DIPK1C: variants seen among roughly 807,000 people sequenced by gnomAD.
DIPK1C encodes the protein familial non-conventional Alzheimer's dementia.
Under a neutral mutation model 28.0 loss-of-function variants are expected in DIPK1C, and 33 were observed. The observed-to-expected ratio is 1.18, with a 90% confidence interval of 0.89 to 1.58. The LOEUF (loss-of-function observed/expected upper bound fraction) is 1.58. Among genes scored for constraint, DIPK1C ranks in the 40% most tolerant of loss-of-function variants. The pLI is 0.00. For missense variants in DIPK1C, 569 were observed against 568.5 expected (o/e 1.00, Z -0.01); for synonymous variants, 255 against 248.8 (o/e 1.02, Z -0.23).
intron 2 of DIPK1C, among the ~76,000 whole-genome samples, chr18:74,445,514 GT>G (rs1394893317): frequency 6.6e-6 from 1 of 152,224 alleles, no homozygotes; most frequent in Non-Finnish European, 1.5e-5. Context: ...AGCAAATTTA[GT>G]TTTCCAGCTG....
At chr18:74,451,057 G>A (rs1486450075) in intron 1 of DIPK1C, among the ~76,000 whole-genome samples, 1 of 152,212 alleles carries the variant, frequency 6.6e-6, no homozygotes, top group Non-Finnish European at 1.5e-5. Context: ...GCCAGGAAAG[G>A]GTGGGGGGCC....
chr18:74,458,332 T>A (rs1001762376), upstream of DIPK1C, among the ~76,000 whole-genome samples: 1 of 152,100 alleles, frequency 6.6e-6, no homozygotes, highest in African/African-American at 2.4e-5. Flanking sequence ...CCCGGATCGC[T>A]CTCCCGCCTG....
the DIPK1C span, among the ~76,000 whole-genome samples, chr18:74,464,431 C>T: frequency 6.6e-6 from 1 of 152,258 alleles, no homozygotes; most frequent in Non-Finnish European, 1.5e-5. Context: ...TTTCTATCTA[C>T]TCCTGCCCCC....
Position 74,436,512 on chromosome 18 carries a change from C to A in DIPK1C, c.1249G>T (p.Ala417Ser), listed in dbSNP as rs371031842. Residue 417 changes from alanine to serine, a missense_variant, in exon 4 of 4, where the codon GCA becomes TCA. Coordinates refer to ENST00000343998, the MANE Select transcript of DIPK1C (RefSeq NM_001044369.3). ...LQATLRELQE[A>S]EK ...AGGCCAGAGAGTGGCTACTTCTCTG[C>A]CTCCTGCAGCTCCCTCAGTGTGGCT... The A allele has an allele frequency of 3.7e-6, 6 of 1,602,932 alleles. No homozygotes were observed. The highest frequency in any genetic ancestry group is 5.1e-6 in the Non-Finnish European group (6 of 1,175,832).
Position 74,441,988 on chromosome 18 carries a change from G to A in DIPK1C, c.1005C>T (p.Asn335=), listed in dbSNP as rs191560122. ...DCFSRCDLRV[N]KCGAQRVNNN... Reference sequence around the variant, plus strand: ...TGTTTACGCGCTGCGCTCCGCATTTGTTGACTCGTAAATCACATCTTGAAA... The same window carrying A: ...TGTTTACGCGCTGCGCTCCGCATTTATTGACTCGTAAATCACATCTTGAAA... Residue 335 remains asparagine, a synonymous_variant, in exon 3 of 4, where the codon AAC becomes AAT. Coordinates refer to ENST00000343998, the MANE Select transcript of DIPK1C (RefSeq NM_001044369.3). 1.9e-6 allele frequency: 3 copies of A among 1,614,084 alleles called. No individual in the cohort carries two copies. The highest frequency in any genetic ancestry group is 1.7e-5 in the Admixed American group (1 of 60,012).
chr18:74,440,202 CCAAAGTGCT>C (rs1185758994), intron 3 of DIPK1C, among the ~76,000 whole-genome samples: 1 of 152,148 alleles, frequency 6.6e-6, no homozygotes, highest in Non-Finnish European at 1.5e-5. Flanking sequence ...CCTCGGCCTC[CCAAAGTGCT>C]AGGATTATGG....
intron 2 of DIPK1C, among the ~76,000 whole-genome samples, chr18:74,444,578 C>A (rs560085883): frequency 3.9e-5 from 6 of 152,182 alleles, no homozygotes; most frequent in African/African-American, 1.4e-4. Context: ...ATAGGTCTGG[C>A]GTGGCATCTG....
chr18:74,455,456 T>C (rs1209913873), intron 1 of DIPK1C, among the ~76,000 whole-genome samples: 1 of 152,092 alleles, frequency 6.6e-6, no homozygotes, highest in Non-Finnish European at 1.5e-5. Flanking sequence ...AGGACTTTTA[T>C]GGGTTACTAA....
intron 1 of DIPK1C, among the ~76,000 whole-genome samples, chr18:74,453,997 T>C (rs6566806): frequency 0.77 from 116,619 of 152,112 alleles, 44,996 homozygotes; most frequent in East Asian, 0.99. Context: ...GTGTGAAGAG[T>C]TCAGCCTGCA....
upstream of DIPK1C, among the ~76,000 whole-genome samples, chr18:74,462,576 T>C (rs937448861): frequency 6.6e-6 from 1 of 152,164 alleles, no homozygotes; most frequent in Non-Finnish European, 1.5e-5. Context: ...GTGACACATA[T>C]GCATGTGTCT....
intron 2 of DIPK1C, 134 bp from the exon 3 acceptor site, chr18:74,442,250 G>T: frequency 9.9e-7 from 1 of 1,008,268 alleles, no homozygotes; most frequent in Non-Finnish European, 1.4e-6. Context: ...AGTCCCAAGA[G>T]CCAAGAGGAA....
intron 1 of DIPK1C, among the ~76,000 whole-genome samples, chr18:74,455,725 TA>T (rs112246757): frequency 1.7e-5 from 2 of 116,184 alleles, no homozygotes; most frequent in Non-Finnish European, 3.5e-5. Flanking sequence ...CAAAACTCCA[TA>T]AAAAAAAAAG....
At chr18:74,448,240 G>A (rs1384836058) in intron 1 of DIPK1C, among the ~76,000 whole-genome samples, 3 of 152,162 alleles carry the variant, frequency 2.0e-5, no homozygotes, top group South Asian at 2.1e-4. Flanking sequence ...TTGATTAGGG[G>A]TTGAGTGTAT....
In DIPK1C at chr18:74,436,546, T is replaced by C. The variant is rs1985997256; in HGVS notation, c.1215A>G (p.Gln405=). The change falls in exon 4 of 4, where the codon CAA becomes CAG. Residue 405 remains glutamine, a synonymous_variant. Coordinates refer to ENST00000343998, the MANE Select transcript of DIPK1C (RefSeq NM_001044369.3). ...AASSVFWKLR[Q]LLQATLRELQ... Reference sequence around the variant, plus strand: ...GCTCCCTCAGTGTGGCTTGGAGGAGTTGGCGAAGCTTCCAGAACACGCTGG... The same window carrying C: ...GCTCCCTCAGTGTGGCTTGGAGGAGCTGGCGAAGCTTCCAGAACACGCTGG... The C allele has an allele frequency of 1.9e-6, 3 of 1,603,388 alleles. No individual in the cohort carries two copies. The highest frequency in any genetic ancestry group is 1.7e-5 in the Admixed American group (1 of 58,686).
At position 74,447,059 on chromosome 18, in the gene DIPK1C, G is replaced by A. The variant is rs1441041473; in HGVS notation, c.423C>T (p.Asp141=). Residue 141 remains aspartate (D), a synonymous_variant, in exon 2 of 4, where the codon GAC becomes GAT. Transcript: ENST00000343998. The surrounding 1 kb of genome is among the most constrained non-coding windows in gnomAD (Gnocchi z 4.1). The stretch of plus-strand genomic sequence containing the variant: ...TCAGGAGGAGTTCGGCCTCGGGCAT[G>A]TCCTGGCCACCCTCCCCTGCCTCCT... ...LEEEAGEGGQ[D]MPEAELLLMV... The A allele has an allele frequency of 1.3e-6, 2 of 1,550,272 alleles. No individual in the cohort carries two copies. The highest frequency in any genetic ancestry group is 1.7e-4 in the Middle Eastern group (1 of 5,986).
intron 2 of DIPK1C, among the ~76,000 whole-genome samples, chr18:74,443,842 A>G (rs868428388): frequency 1.3e-5 from 2 of 152,054 alleles, no homozygotes; most frequent in African/African-American, 4.8e-5. Flanking sequence ...TATTCTTTCT[A>G]TGGTTTCTGC....
chr18:74,438,551 A>G (rs1326917593), intron 3 of DIPK1C, among the ~76,000 whole-genome samples: 1 of 152,196 alleles, frequency 6.6e-6, no homozygotes, highest in Non-Finnish European at 1.5e-5. Context: ...CCACAGATTC[A>G]TTTTGCCAAC....
rs1986135468 is a variant in DIPK1C, at chr18:74,441,957, GGTT to G, written c.1033_1035del (p.Asn345del). 8.7e-6 allele frequency: 14 copies of G among 1,613,196 alleles called. No individual in the cohort carries two copies. The highest frequency in any genetic ancestry group is 1.1e-5 in the Non-Finnish European group (13 of 1,179,536). Reference sequence around the variant, plus strand: ...GCCCTGGCGGACTCTCATACCTGCAGGTTGTTGTTTACGCGCTGCGCTCCGCAT... The same window carrying G: ...GCCCTGGCGGACTCTCATACCTGCAGGTTGTTTACGCGCTGCGCTCCGCAT... On this transcript the variant is annotated inframe_deletion, in exon 3 of 4. Coordinates refer to ENST00000343998, the MANE Select transcript of DIPK1C (RefSeq NM_001044369.3).
upstream of DIPK1C, among the ~76,000 whole-genome samples, chr18:74,461,813 G>C (rs989670269): frequency 6.6e-6 from 1 of 152,160 alleles, no homozygotes; most frequent in African/African-American, 2.4e-5. Flanking sequence ...CTGGAGTGCA[G>C]TGACATCACC....
Sources: gnomAD v4.1 joint callset for allele counts (sites outside exome capture counted in the v4.1 genomes callset) on GRCh38, gnomAD v4.1.1 for gene constraint, Gnocchi (gnomAD v3.1) non-coding constraint, MANE v1.5 for transcripts, NCBI Gene and HGNC (gene_info 2026-07-23, HGNC 2026-07-21) for gene names.